DST: variants seen among roughly 807,000 people sequenced by gnomAD.
DST encodes the protein dystonin.
A neutral mutation model predicts 875.2 loss-of-function variants in DST; 253 were observed. The observed-to-expected ratio is 0.29, with a 90% CI of 0.26 to 0.32. DST has a LOEUF of 0.32. Among genes scored for constraint, DST ranks in the 10% least tolerant of loss-of-function variants. The probability of loss-of-function intolerance (pLI) is 1.00; values close to 1 mark genes in which losing one functional copy is unlikely to be tolerated. For synonymous variants in DST, 3,124 were observed against 3,197.1 expected, an observed-to-expected ratio of 0.98 and a Z score of 0.77; for missense variants, 8,287 against 9,111.6, an observed-to-expected ratio of 0.91 and a Z score of 3.68.
chr6:56,863,021 G>A lies in DST; in HGVS notation c.418-11417C>T, dbSNP rs188135663. 3 of 152,334 alleles carry A rather than the reference G, an allele frequency of 2.0e-5. No homozygotes were observed. The East Asian group carries it at 5.8e-4, about 29-fold the overall frequency. 9.4% of individuals were successfully genotyped at this position (152,334 alleles called of 1,614,324 possible). On this transcript the variant is annotated intron_variant, in intron 3 of 103. Transcript: ENST00000680361. ...GACTCAAACTGGTTTAAGATACAAG[G>A]CTGGCTAGACACCAACTTCCAAGAG...
In DST at chr6:56,618,148, T is replaced by C. The variant is rs141397420; in HGVS notation, c.4930-3664A>G. 4 of 1,614,078 alleles carry C rather than the reference T, an allele frequency of 2.5e-6. No homozygotes were observed. Among genetic ancestry groups the C allele is most frequent in the African/African-American group, 2.7e-5 (2 of 74,918 alleles). Reference sequence around the variant, plus strand: ...CAAAAGTTATCTGTAACTCGGTGCTTGTCTGAGAAAAGTACTCAGAGTAAC... The same window carrying C: ...CAAAAGTTATCTGTAACTCGGTGCTCGTCTGAGAAAAGTACTCAGAGTAAC... On this transcript the variant is annotated intron_variant, in intron 36 of 103. Coordinates refer to ENST00000680361, the MANE Select transcript of DST (RefSeq NM_001374736.1).
intron 4 of DST, chr6:56,742,186 C>G: frequency 1.2e-6 from 1 of 803,938 alleles, no homozygotes; most frequent in Non-Finnish European, 1.8e-6. Context: ...GCTGAACTAT[C>G]GCCATGCAAA....
intron 80 of DST, among the ~76,000 whole-genome samples, chr6:56,500,869 G>A (rs889649811): frequency 6.6e-6 from 1 of 152,082 alleles, no homozygotes; most frequent in Admixed American, 6.6e-5. Flanking sequence ...AAATTGCCTT[G>A]AATGAGAAAA....
intron 10 of DST, among the ~76,000 whole-genome samples, chr6:56,660,656 G>A (rs1321866413): frequency 2.0e-5 from 3 of 148,882 alleles, no homozygotes; most frequent in Non-Finnish European, 3.0e-5. Context: ...GCGTAACTCA[G>A]TGTAGACATC....
chr6:56,636,479 A>C (rs2098827906), intron 23 of DST, 78 bp downstream of exon 23: 1 of 1,104,668 alleles, frequency 9.1e-7, no homozygotes, highest in East Asian at 2.4e-5. Context: ...TATCCTAACA[A>C]TAAATTATGA....
chr6:56,671,508 A>AT (rs2099101500), intron 9 of DST, among the ~76,000 whole-genome samples: 1 of 152,084 alleles, frequency 6.6e-6, no homozygotes, highest in East Asian at 1.9e-4. Context: ...TTTCTCCTGT[A>AT]TTTTGTTTTC....
At chr6:56,735,158 T>C (rs1015572506) in intron 5 of DST, 70 bp downstream of exon 5, 34 of 1,043,030 alleles carry the variant, frequency 3.3e-5, no homozygotes, top group South Asian at 5.7e-5. Flanking sequence ...CAGAGCTATA[T>C]AATCAATTAC....
At chr6:56,619,725 G>A in intron 36 of DST, 1 of 1,614,052 alleles carries the variant, frequency 6.2e-7, no homozygotes, top group Non-Finnish European at 8.5e-7. Flanking sequence ...TCTCTGAGTT[G>A]TTGAGAATAC....
At chr6:56,524,518 A>G (rs2152502520) in intron 69 of DST, among the ~76,000 whole-genome samples, 1 of 152,070 alleles carries the variant, frequency 6.6e-6, no homozygotes, top group African/African-American at 2.4e-5. Flanking sequence ...TTTAGTTGCT[A>G]CTCTGCCACT....
intron 3 of DST, among the ~76,000 whole-genome samples, chr6:56,872,416 AGAGGATGAGGTG>A (rs1203798007): frequency 6.6e-6 from 1 of 152,140 alleles, no homozygotes; most frequent in Admixed American, 6.6e-5. Flanking sequence ...CAGCTACTCA[AGAGGATGAGGTG>A]GAGGAATCAC....
At chr6:56,535,395 A>G (rs2096976337) in intron 62 of DST, 103 bp from the exon 63 acceptor site, 1 of 1,334,392 alleles carries the variant, frequency 7.5e-7, no homozygotes, top group African/African-American at 1.5e-5. Context: ...TGTGGTCACA[A>G]ATTTTCTTTT....
intron 6 of DST, 42 bp downstream of exon 6, chr6:56,704,238 A>G (rs2099323579): frequency 9.5e-7 from 1 of 1,058,070 alleles, no homozygotes; most frequent in Admixed American, 2.5e-5. Context: ...TGCAGAAAAG[A>G]TTACACGTTC....
chr6:56,636,491 A>G, intron 23 of DST, 66 bp downstream of exon 23: 1 of 1,264,048 alleles, frequency 7.9e-7, no homozygotes, highest in South Asian at 1.2e-5. Context: ...AAATTATGAA[A>G]AAGATTCCTG....
intron 55 of DST, among the ~76,000 whole-genome samples, chr6:56,566,156 C>T (rs1310684353): frequency 6.6e-6 from 1 of 152,180 alleles, no homozygotes; most frequent in East Asian, 1.9e-4. Context: ...ATCTGCTGAG[C>T]TAGACCACTT....
At chr6:56,718,686 T>TA (rs1356714165) in intron 5 of DST, among the ~76,000 whole-genome samples, 1 of 152,170 alleles carries the variant, frequency 6.6e-6, no homozygotes, top group Non-Finnish European at 1.5e-5. Context: ...GGTGGACATA[T>TA]AAAATGTGAT....
chr6:56,526,686 C>T, intron 68 of DST, 119 bp from the exon 69 acceptor site: 4 of 845,422 alleles, frequency 4.7e-6, no homozygotes, highest in East Asian at 5.1e-5. Context: ...CCACTCCCCC[C>T]CTCCCTTAGT....
In DST at chr6:56,501,601, A is replaced by ACT; in HGVS notation, c.19657_19658dup (p.Ser6553ArgfsTer11). The ACT allele has an allele frequency of 6.2e-7, 1 of 1,608,654 alleles. No individual in the cohort carries two copies. The highest frequency in any genetic ancestry group is 8.5e-7 in the Non-Finnish European group (1 of 1,177,664). ...ATGGGTCTTGAACAGTGTGTTTGTCACTCTCTTCTGTTACTTTCTTTAGCA... is the reference window on the plus strand; with the variant it reads ...ATGGGTCTTGAACAGTGTGTTTGTCACTCTCTCTTCTGTTACTTTCTTTAGCA... On this transcript the variant is annotated frameshift_variant, in exon 79 of 104. Coordinates refer to ENST00000680361, the MANE Select transcript of DST (RefSeq NM_001374736.1). LOFTEE classifies it high-confidence loss of function.
chr6:56,843,804 G>T (rs1205387101), intron 4 of DST: 1 of 581,362 alleles, frequency 1.7e-6, no homozygotes, highest in Non-Finnish European at 2.2e-6. Flanking sequence ...TCAGCGCCCC[G>T]GCTGGCTCAG....
rs1402843341 is a variant in DST, at chr6:56,854,451, T to A, written c.418-2847A>T. Among the ~76,000 whole-genome samples, 5 of 152,126 alleles carry A rather than the reference T, an allele frequency of 3.3e-5. No individual in the cohort carries two copies. The South Asian group carries it at 6.2e-4, about 19-fold the overall frequency. On this transcript the variant is annotated intron_variant, in intron 3 of 103. Coordinates refer to ENST00000680361, the MANE Select transcript of DST (RefSeq NM_001374736.1). Reference sequence around the variant, plus strand: ...GTAGCTAGGTCCATCAATAGGAGACTGTTTAAATATAGTTATATGGATACC... The same window carrying A: ...GTAGCTAGGTCCATCAATAGGAGACAGTTTAAATATAGTTATATGGATACC...
Sources: allele counts gnomAD v4.1 joint callset (sites outside exome capture counted in the v4.1 genomes callset), GRCh38; gene constraint gnomAD v4.1.1; transcripts MANE v1.5; gene names NCBI Gene and HGNC (gene_info 2026-07-23, HGNC 2026-07-21).